ARIH1: variants seen among roughly 807,000 people sequenced by gnomAD.
The protein encoded by ARIH1 is ariadne RBR E3 ubiquitin protein ligase 1, also known as E3 ubiquitin-protein ligase ARIH1.
Under a neutral mutation model 85.0 loss-of-function variants are expected in ARIH1, and 8 were observed. The ratio of observed to expected loss-of-function variants is 0.09; its 90% CI spans 0.06 to 0.17. The LOEUF (loss-of-function observed/expected upper bound fraction) is 0.17, where lower values mean the gene tolerates loss of function less well. Ranked by LOEUF, ARIH1 falls within the 10% of genes least tolerant of loss-of-function variation. The pLI, the probability that ARIH1 is intolerant of heterozygous loss-of-function variation, is 1.00. For missense variants in ARIH1, 311 were observed against 718.1 expected (o/e 0.43, Z 6.48); for synonymous variants, 238 against 253.6 (o/e 0.94, Z 0.59).
chr15:72,517,496 C>T (rs1302504105), intron 1 of ARIH1, among the ~76,000 whole-genome samples: 1 of 151,946 alleles, frequency 6.6e-6, no homozygotes. Flanking sequence ...GGGATCTTGG[C>T]TCACTGCAAC....
intron 7 of ARIH1, among the ~76,000 whole-genome samples, chr15:72,566,032 CAT>C (rs140633774): frequency 0.015 from 2,293 of 152,240 alleles, 56 homozygotes; most frequent in Admixed American, 0.057. Context: ...CTGATTAACA[CAT>C]GTTTAGTGAG....
chr15:72,566,646 C>G, intron 8 of ARIH1, 41 bp downstream of exon 8: 1 of 1,527,754 alleles, frequency 6.5e-7, no homozygotes, highest in East Asian at 2.3e-5. Flanking sequence ...TAATGGCACA[C>G]TTCTAAGACT....
chr15:72,517,624 T>C (rs1356195518), intron 1 of ARIH1, among the ~76,000 whole-genome samples: 1 of 151,412 alleles, frequency 6.6e-6, no homozygotes, highest in Non-Finnish European at 1.5e-5. Context: ...GGGTTTTGCC[T>C]TGTTGCCCAG....
chr15:72,568,211 A>G (rs1398399051), intron 9 of ARIH1, among the ~76,000 whole-genome samples: 1 of 152,198 alleles, frequency 6.6e-6, no homozygotes, highest in Admixed American at 6.5e-5. Context: ...AAACCTTACT[A>G]TAAATATACT....
rs1321877407 is a variant in ARIH1, at chr15:72,474,554, C to T, written c.-86C>T. On this transcript the variant is annotated 5_prime_UTR_variant, in exon 1 of 14. Transcript: ENST00000379887. ...GCCAGGCCTGCGTCCGGACATCAGC[C>T]GGAGCCGGAGCGAGAGCCGGGGCCT... 1.4e-6 allele frequency: 2 copies of T among 1,438,576 alleles called. No individual in the cohort carries two copies. The highest frequency in any genetic ancestry group is 1.3e-5 in the South Asian group (1 of 74,646). 89.1% of individuals were successfully genotyped at this position (1,438,576 alleles called of 1,614,324 possible). A position where few individuals can be genotyped will look rare whatever the true frequency, so the allele number is the denominator to read the frequency against.
intron 1 of ARIH1, among the ~76,000 whole-genome samples, chr15:72,493,086 C>G (rs75169204): frequency 2.0e-4 from 31 of 152,192 alleles, no homozygotes; most frequent in Non-Finnish European, 3.4e-4. Flanking sequence ...TAAACCTTCA[C>G]AGCCACTTCC....
intron 1 of ARIH1, among the ~76,000 whole-genome samples, chr15:72,507,306 G>A (rs1170621675): frequency 6.6e-6 from 1 of 152,198 alleles, no homozygotes; most frequent in African/African-American, 2.4e-5. Context: ...TTACAGGCGT[G>A]AGCCACCATG....
At chr15:72,554,067 G>A (rs1595868497) in intron 3 of ARIH1, among the ~76,000 whole-genome samples, 1 of 151,990 alleles carries the variant, frequency 6.6e-6, no homozygotes, top group African/African-American at 2.4e-5. Context: ...TCCTTTTATG[G>A]CTGAATAATA....
chr15:72,549,685 T>C (rs915032889), intron 3 of ARIH1, among the ~76,000 whole-genome samples: 15 of 151,972 alleles, frequency 9.9e-5, no homozygotes, highest in Non-Finnish European at 1.9e-4. Context: ...CAACTTATTA[T>C]GGAAGAAAGA....
intron 2 of ARIH1, among the ~76,000 whole-genome samples, chr15:72,537,960 G>A (rs1240899730): frequency 2.0e-5 from 3 of 152,212 alleles, no homozygotes; most frequent in East Asian, 3.9e-4. Context: ...TTTCATATGT[G>A]TGCTTATTTT....
At chr15:72,545,387 A>G (rs184244904) in intron 3 of ARIH1, among the ~76,000 whole-genome samples, 2 of 152,354 alleles carry the variant, frequency 1.3e-5, no homozygotes, top group African/African-American at 4.8e-5. Context: ...TCTTCAGAAG[A>G]TAAGATTTTC....
intron 1 of ARIH1, among the ~76,000 whole-genome samples, chr15:72,509,928 T>TG (rs1191973749): frequency 6.7e-6 from 1 of 150,258 alleles, no homozygotes; most frequent in Non-Finnish European, 1.5e-5. Context: ...CAAAGAGAGA[T>TG]GGGGCCTCAC....
Position 72,582,338 on chromosome 15 carries a change from A to G in ARIH1, c.1589+151A>G, listed in dbSNP as rs1013298042. Reference sequence around the variant, plus strand: ...ATTGCTTCTGTCCGTTGGGCACTAAATTGCAGGTAATAGTATTGGTGAAGC... The same window carrying G: ...ATTGCTTCTGTCCGTTGGGCACTAAGTTGCAGGTAATAGTATTGGTGAAGC... On this transcript the variant is annotated intron_variant, in intron 13 of 13. Transcript: ENST00000379887. The surrounding 1 kb of genome is among the most constrained non-coding windows in gnomAD (Gnocchi z 4.6). 3 of 598,054 alleles carry G rather than the reference A, an allele frequency of 5.0e-6. No homozygotes were observed. The highest frequency in any genetic ancestry group is 3.2e-5 in the Admixed American group (1 of 30,962). The allele number at this position is 598,054 out of a possible 1,614,324, so 37.0% of individuals were successfully genotyped here. A position where few individuals can be genotyped will look rare whatever the true frequency, so the allele number is the denominator to read the frequency against.
chr15:72,512,259 C>T (rs561981971), intron 1 of ARIH1, among the ~76,000 whole-genome samples: 1 of 151,548 alleles, frequency 6.6e-6, no homozygotes, highest in Admixed American at 6.6e-5. Context: ...TCCAGTGACA[C>T]CATTTTTGGT....
chr15:72,495,346 G>A (rs776618760), intron 1 of ARIH1, among the ~76,000 whole-genome samples: 1 of 152,132 alleles, frequency 6.6e-6, no homozygotes, highest in Non-Finnish European at 1.5e-5. Flanking sequence ...AACTACTTTT[G>A]AGAGTTAATT....
At chr15:72,475,678 A>G (rs1386836260) in intron 1 of ARIH1, among the ~76,000 whole-genome samples, 1 of 152,184 alleles carries the variant, frequency 6.6e-6, no homozygotes, top group Non-Finnish European at 1.5e-5. Flanking sequence ...GTAGCAGATG[A>G]CTTGCTTGAA....
At chr15:72,490,455 T>C (rs575745787) in intron 1 of ARIH1, among the ~76,000 whole-genome samples, 1 of 152,140 alleles carries the variant, frequency 6.6e-6, no homozygotes, top group South Asian at 2.1e-4. Flanking sequence ...TATTGTAAAT[T>C]GTGCATTCAA....
intron 5 of ARIH1, among the ~76,000 whole-genome samples, chr15:72,558,086 G>C (rs2064182557): frequency 6.6e-6 from 1 of 152,128 alleles, no homozygotes; most frequent in South Asian, 2.1e-4. Flanking sequence ...TGTTGAATAG[G>C]AGTGGTGAGT....
intron 2 of ARIH1, among the ~76,000 whole-genome samples, chr15:72,520,260 A>T (rs2063993639): frequency 6.6e-6 from 1 of 152,218 alleles, no homozygotes; most frequent in African/African-American, 2.4e-5. Context: ...TTCAGTCTTT[A>T]AATAGTGTCT....
Sources: gnomAD v4.1 joint callset for allele counts (sites outside exome capture counted in the v4.1 genomes callset) on GRCh38, gnomAD v4.1.1 for gene constraint, Gnocchi (gnomAD v3.1) non-coding constraint, MANE v1.5 for transcripts, NCBI Gene and HGNC (gene_info 2026-07-23, HGNC 2026-07-21) for gene names.